The following TENM4 variants were observed in gnomAD, a reference collection of about 807,000 sequenced individuals.
The protein encoded by TENM4 is teneurin transmembrane protein 4.
A neutral mutation model predicts 243.3 loss-of-function variants in TENM4; 82 were observed. The observed-to-expected ratio is 0.34, with a 90% CI of 0.28 to 0.40. The LOEUF (loss-of-function observed/expected upper bound fraction) is 0.40, where lower values mean the gene tolerates loss of function less well. Ranked by LOEUF, TENM4 falls within the 10% of genes least tolerant of loss-of-function variation. The pLI is 1.00. For synonymous variants in TENM4, 1,412 were observed against 1,456.3 expected, an observed-to-expected ratio of 0.97 and a Z score of 0.69; for missense variants, 3,138 against 3,673.3, an observed-to-expected ratio of 0.85 and a Z score of 3.77.
chr11:78,891,865 A>G (rs1565426350), intron 7 of TENM4, among the ~76,000 whole-genome samples: 2 of 150,940 alleles, frequency 1.3e-5, no homozygotes, highest in East Asian at 1.9e-4. Flanking sequence ...TAGTCCAAAG[A>G]AAAAAAAAAG....
chr11:79,331,254 C>G (rs144957602), intron 1 of TENM4, among the ~76,000 whole-genome samples: 13 of 152,106 alleles, frequency 8.5e-5, no homozygotes, highest in Non-Finnish European at 1.8e-4. Context: ...CCCCTTTGCA[C>G]AGCCAGCATT....
In TENM4 at chr11:78,722,754, G is replaced by T. The variant is rs780025021; in HGVS notation, c.3714C>A (p.Gly1238=). 4.3e-6 allele frequency: 7 copies of T among 1,614,092 alleles called. No homozygotes were observed. The South Asian group carries it at 5.5e-5, about 13-fold the overall frequency. The part of the protein sequence containing the change: ...KLLAPVALTC[G]SDGSLYVGDF... ...CACCCACATAGAGGCTCCCGTCAGA[G>T]CCACAGGTGAGGGCCACTGGGGCCA... The change falls in exon 24 of 34, where the codon GGC becomes GGA. Residue 1238 remains glycine (G), a synonymous_variant. Transcript: ENST00000278550.
chr11:79,110,304 T>G (rs115454299), intron 4 of TENM4, among the ~76,000 whole-genome samples: 2,401 of 152,240 alleles, frequency 0.016, 60 homozygotes, highest in South Asian at 0.065. Flanking sequence ...ACACAGAGAA[T>G]CTGGTGCTGT....
intron 25 of TENM4, among the ~76,000 whole-genome samples, chr11:78,713,570 G>A (rs1347184341): frequency 1.3e-5 from 2 of 152,142 alleles, no homozygotes; most frequent in African/African-American, 4.8e-5. Flanking sequence ...GTAATTTCCT[G>A]GTTCTGAAAC....
intron 1 of TENM4, among the ~76,000 whole-genome samples, chr11:79,417,805 C>G (rs1019340220): frequency 1.3e-5 from 2 of 152,112 alleles, no homozygotes; most frequent in African/African-American, 4.8e-5. Context: ...TTTTCTGGAA[C>G]CTCCACACCT....
At chr11:78,791,558 G>T (rs1857057049) in intron 15 of TENM4, among the ~76,000 whole-genome samples, 1 of 152,212 alleles carries the variant, frequency 6.6e-6, no homozygotes, top group African/African-American at 2.4e-5. Context: ...CTCCCTGTGT[G>T]CAAGCCCCAC....
At chr11:79,142,931 A>G (rs1157403610) in intron 4 of TENM4, among the ~76,000 whole-genome samples, 1 of 152,094 alleles carries the variant, frequency 6.6e-6, no homozygotes, top group African/African-American at 2.4e-5. Flanking sequence ...AAAAATGCTC[A>G]TCATCACTGG....
chr11:79,097,377 G>A (rs1395803320), intron 4 of TENM4: 1 of 152,194 alleles, frequency 6.6e-6, no homozygotes, highest in Non-Finnish European at 1.5e-5. Flanking sequence ...GCTGAGGAAG[G>A]AACCAGAAGT....
At chr11:78,736,445 A>AGTGTGTGTGT (rs3223449) in intron 20 of TENM4, among the ~76,000 whole-genome samples, 46 of 145,266 alleles carry the variant, frequency 3.2e-4, no homozygotes, top group African/African-American at 8.2e-4. Flanking sequence ...GATTTCAGCA[A>AGTGTGTGTGT]GTGTGTGTGT....
intron 3 of TENM4, among the ~76,000 whole-genome samples, chr11:79,177,912 G>A (rs1863199147): frequency 6.6e-6 from 1 of 152,154 alleles, no homozygotes; most frequent in Non-Finnish European, 1.5e-5. Flanking sequence ...CCTCTGAGAT[G>A]GGGAACCTTT....
rs1319293035 is a variant in TENM4 at position 79,191,692 on chromosome 11, G to GC, written c.-163+24115dup. The GC allele has an allele frequency of 1.6e-4, 26 of 166,038 alleles. No homozygotes were observed. In the South Asian group the frequency reaches 2.8e-3, roughly 18 times the overall value. 10.3% of individuals were successfully genotyped at this position (166,038 alleles called of 1,614,324 possible). A position where few individuals can be genotyped will look rare whatever the true frequency, so the allele number is the denominator to read the frequency against. On this transcript the variant is annotated intron_variant, in intron 3 of 33. Coordinates refer to ENST00000278550, the MANE Select transcript of TENM4 (RefSeq NM_001098816.3). ...CATCTAGGAAGTGAGGAGCGTCTCT[G>GC]CCCGGCAGCCCATCGTCTGAGATGT...
chr11:78,925,035 G>A (rs575521606), intron 6 of TENM4, among the ~76,000 whole-genome samples: 10 of 152,290 alleles, frequency 6.6e-5, no homozygotes, highest in South Asian at 4.1e-4. Context: ...TTTCATACAC[G>A]TCACCGCTGA....
intron 3 of TENM4, among the ~76,000 whole-genome samples, chr11:79,151,080 C>T (rs1197254349): frequency 6.6e-6 from 1 of 152,184 alleles, no homozygotes; most frequent in African/African-American, 2.4e-5. Context: ...ATTAACTCAT[C>T]CTGCCTTCCT....
At chr11:79,324,399 A>T (rs866382892) in intron 1 of TENM4, among the ~76,000 whole-genome samples, 7 of 151,956 alleles carry the variant, frequency 4.6e-5, no homozygotes, top group Admixed American at 2.0e-4. Flanking sequence ...TTAAAAAAAA[A>T]ATGTAGAGAT....
chr11:79,338,945 A>T (rs755455400), intron 1 of TENM4, among the ~76,000 whole-genome samples: 102 of 152,212 alleles, frequency 6.7e-4, no homozygotes, highest in Admixed American at 1.2e-3. Context: ...CTGGAGATTG[A>T]CTCAGTTCAC....
At chr11:79,297,071 T>C (rs1856467051) in intron 2 of TENM4, among the ~76,000 whole-genome samples, 1 of 152,228 alleles carries the variant, frequency 6.6e-6, no homozygotes, top group Non-Finnish European at 1.5e-5. Flanking sequence ...ATTGCAGGAC[T>C]TGAGCCCAGA....
chr11:79,299,037 A>T (rs1169896647), intron 1 of TENM4, among the ~76,000 whole-genome samples: 1 of 151,634 alleles, frequency 6.6e-6, no homozygotes, highest in Non-Finnish European at 1.5e-5. Flanking sequence ...AATATCTAGG[A>T]AGTCATAGGT....
chr11:79,433,409 T>C (rs971188788), intron 1 of TENM4, among the ~76,000 whole-genome samples: 1 of 152,128 alleles, frequency 6.6e-6, no homozygotes, highest in African/African-American at 2.4e-5. Context: ...ACCAATTTTA[T>C]AGTGAGGAAA....
At chr11:78,973,908 G>A (rs1417427647) in intron 6 of TENM4, among the ~76,000 whole-genome samples, 1 of 151,978 alleles carries the variant, frequency 6.6e-6, no homozygotes, top group African/African-American at 2.4e-5. Flanking sequence ...GTGAGGGAGT[G>A]AGCCAAGCAG....
Sources: gnomAD v4.1 joint callset for allele counts (sites outside exome capture counted in the v4.1 genomes callset) on GRCh38, gnomAD v4.1.1 for gene constraint, MANE v1.5 for transcripts, NCBI Gene and HGNC (gene_info 2026-07-23, HGNC 2026-07-21) for gene names.